Variants in CPVL observed in about 807,000 individuals in gnomAD.
CPVL encodes carboxypeptidase vitellogenic like, also known as probable serine carboxypeptidase CPVL.
In CPVL, 51 loss-of-function variants were observed where a neutral mutation model predicts 63.7. The observed-to-expected ratio is 0.80, with a 90% CI of 0.64 to 1.01. The LOEUF (loss-of-function observed/expected upper bound fraction) is 1.01, where lower values mean the gene tolerates loss of function less well. CPVL is among the 50% of genes least tolerant of loss of function. The pLI is 0.00. For synonymous variants in CPVL, 195 were observed against 206.0 expected, an observed-to-expected ratio of 0.95 and a Z score of 0.46; for missense variants, 530 against 573.1, an observed-to-expected ratio of 0.92 and a Z score of 0.77.
At chr7:29,167,960 C>T (rs1461264570) in intron 5 of CPVL, among the ~76,000 whole-genome samples, 1 of 152,160 alleles carries the variant, frequency 6.6e-6, no homozygotes, top group Non-Finnish European at 1.5e-5. Flanking sequence ...TGTTGTGTGA[C>T]CCTGGGAACA....
At chr7:29,103,844 T>G (rs1401633866) in intron 3 of CPVL, among the ~76,000 whole-genome samples, 1 of 152,218 alleles carries the variant, frequency 6.6e-6, no homozygotes, top group Non-Finnish European at 1.5e-5. Context: ...CTCTTCACAC[T>G]TCTATATGCA....
chr7:29,157,537 C>A (rs1794572724), intron 5 of CPVL, among the ~76,000 whole-genome samples: 1 of 152,186 alleles, frequency 6.6e-6, no homozygotes, highest in Non-Finnish European at 1.5e-5. Context: ...AATGTTCAGA[C>A]TGATGCACAA....
chr7:29,048,701 G>A (rs769086978), intron 11 of CPVL, among the ~76,000 whole-genome samples: 12 of 151,894 alleles, frequency 7.9e-5, no homozygotes, highest in Non-Finnish European at 1.3e-4. Context: ...AGAACATTTC[G>A]TCCAACAACC....
At chr7:29,125,491 C>T (rs1789915947) in intron 1 of CPVL, among the ~76,000 whole-genome samples, 1 of 146,930 alleles carries the variant, frequency 6.8e-6, no homozygotes, top group African/African-American at 2.5e-5. Flanking sequence ...CTCCTCGGTT[C>T]AAGCGATTCT....
chr7:29,184,529 G>A (rs1798473846), exon 4 of CPVL: 1 of 152,166 alleles, frequency 6.6e-6, no homozygotes. Flanking sequence ...CCCAGGAAGA[G>A]CCAATGTTTC....
At chr7:29,090,080 C>T (rs1056372319) in intron 6 of CPVL, among the ~76,000 whole-genome samples, 5 of 152,170 alleles carry the variant, frequency 3.3e-5, no homozygotes, top group Non-Finnish European at 7.3e-5. Context: ...TCAGGCTGGT[C>T]TGGAACTCCT....
intron 1 of CPVL, among the ~76,000 whole-genome samples, chr7:29,127,132 G>C (rs1400859074): frequency 6.6e-6 from 1 of 152,176 alleles, no homozygotes; most frequent in Non-Finnish European, 1.5e-5. Context: ...GAAAAATCAG[G>C]AAGAGGAGAA....
intron 7 of CPVL, among the ~76,000 whole-genome samples, chr7:29,076,339 T>C (rs925224378): frequency 6.6e-6 from 1 of 152,154 alleles, no homozygotes; most frequent in Non-Finnish European, 1.5e-5. Context: ...CAGCAGCTGG[T>C]CAATGAAGCC....
At chr7:29,025,834 TGGATCTAAAG>T (rs1244805956) in intron 12 of CPVL, among the ~76,000 whole-genome samples, 2 of 152,292 alleles carry the variant, frequency 1.3e-5, no homozygotes, top group Admixed American at 1.3e-4. Context: ...CAAATAGTAT[TGGATCTAAAG>T]GGAGAGATAG....
At position 29,037,361 on chromosome 7, in the gene CPVL, G is replaced by A. The variant is rs1049615192; in HGVS notation, c.1138-6602C>T. On this transcript the variant is annotated intron_variant, in intron 11 of 12. Coordinates refer to ENST00000265394, the MANE Select transcript of CPVL (RefSeq NM_031311.5). ...AGATGGAGACCATCCTGGCTAACAC[G>A]GTGAAACCCCGTCTCTACTAAAATA... Among the ~76,000 whole-genome samples, 9 of 151,706 alleles carry A rather than the reference G, an allele frequency of 5.9e-5. No individual in the cohort carries two copies. In the South Asian group the frequency reaches 6.3e-4, roughly 11 times the overall value.
chr7:29,135,580 C>T (rs1233990010), intron 1 of CPVL, among the ~76,000 whole-genome samples: 1 of 152,162 alleles, frequency 6.6e-6, no homozygotes, highest in African/African-American at 2.4e-5. Context: ...GATCCACCCA[C>T]CTCAGCCTCC....
At chr7:29,086,728 G>T (rs568105578) in intron 6 of CPVL, among the ~76,000 whole-genome samples, 178 bp from the exon 7 acceptor site, 32 of 152,284 alleles carry the variant, frequency 2.1e-4, no homozygotes, top group African/African-American at 7.2e-4. Flanking sequence ...GGCTTACTTT[G>T]TGATAATAAG....
At chr7:29,188,804 A>T (rs1224642373) in intron 1 of CPVL, among the ~76,000 whole-genome samples, 4 of 152,246 alleles carry the variant, frequency 2.6e-5, no homozygotes, top group Non-Finnish European at 5.9e-5. Flanking sequence ...CGTCACCGGC[A>T]TGGATAATAG....
chr7:29,047,820 C>T (rs2128170636), intron 11 of CPVL, among the ~76,000 whole-genome samples: 1 of 152,240 alleles, frequency 6.6e-6, no homozygotes, highest in Middle Eastern at 3.4e-3. Context: ...TAAAGGAAAA[C>T]CTATCAGGTT....
chr7:29,062,551 C>T (rs935301425), intron 11 of CPVL, among the ~76,000 whole-genome samples: 3 of 152,156 alleles, frequency 2.0e-5, no homozygotes, highest in Admixed American at 1.3e-4. Context: ...ACAATGGTTA[C>T]GTGTCCAACA....
At chr7:29,095,179 G>C in intron 4 of CPVL, 37 bp from the exon 5 acceptor site, 1 of 1,577,520 alleles carries the variant, frequency 6.3e-7, no homozygotes, top group African/African-American at 1.3e-5. Context: ...ATAGAGTCGT[G>C]GACAAGCATT....
At chr7:29,062,295 C>T (rs911089209) in intron 11 of CPVL, among the ~76,000 whole-genome samples, 12 of 152,194 alleles carry the variant, frequency 7.9e-5, no homozygotes, top group Admixed American at 2.0e-4. Flanking sequence ...GTAAAGACAA[C>T]GCGTTCTGAG....
chr7:29,069,983 G>A (rs1783582925), intron 9 of CPVL, among the ~76,000 whole-genome samples: 2 of 152,024 alleles, frequency 1.3e-5, no homozygotes, highest in African/African-American at 4.8e-5. Flanking sequence ...ATATTCCCCT[G>A]GGTTTCAGGA....
intron 3 of CPVL, among the ~76,000 whole-genome samples, chr7:29,099,873 C>T (rs754818218): frequency 2.6e-5 from 4 of 152,162 alleles, no homozygotes; most frequent in South Asian, 2.1e-4. Context: ...TCAGTTTCCT[C>T]GTCTGTCAAA....
Sources: allele counts gnomAD v4.1 joint callset (sites outside exome capture counted in the v4.1 genomes callset), GRCh38; gene constraint gnomAD v4.1.1; transcripts MANE v1.5; gene names NCBI Gene and HGNC (gene_info 2026-07-23, HGNC 2026-07-21).